IQGAP1: variants seen among roughly 807,000 people sequenced by gnomAD.
The protein encoded by IQGAP1 is IQ motif containing GTPase activating protein 1, also known as ras GTPase-activating-like protein IQGAP1.
Under a neutral mutation model 215.6 loss-of-function variants are expected in IQGAP1, and 66 were observed. The observed-to-expected ratio is 0.31, with a 90% CI of 0.25 to 0.38. IQGAP1 has a LOEUF of 0.38. IQGAP1 is among the 10% of genes least tolerant of loss of function. The probability of loss-of-function intolerance (pLI) is 1.00; values close to 1 mark genes in which losing one functional copy is unlikely to be tolerated. For synonymous variants in IQGAP1, 772 were observed against 728.7 expected, an observed-to-expected ratio of 1.06 and a Z score of -0.96; for missense variants, 1,712 against 1,997.1, an observed-to-expected ratio of 0.86 and a Z score of 2.72.
At chr15:90,415,946 G>A (rs1016773413) in intron 2 of IQGAP1, among the ~76,000 whole-genome samples, 8 of 150,142 alleles carry the variant, frequency 5.3e-5, no homozygotes, top group East Asian at 2.0e-4. Context: ...GTGACTTACC[G>A]TTCCCTGAAT....
At chr15:90,433,521 C>A (rs1057273309) in intron 4 of IQGAP1, among the ~76,000 whole-genome samples, 198 bp from the exon 5 acceptor site, 2 of 152,180 alleles carry the variant, frequency 1.3e-5, no homozygotes, top group African/African-American at 4.8e-5. Flanking sequence ...TATTATAGCA[C>A]TTTATTCCTT....
chr15:90,489,899 T>C (rs1966179711), intron 33 of IQGAP1, among the ~76,000 whole-genome samples: 1 of 152,116 alleles, frequency 6.6e-6, no homozygotes, highest in Non-Finnish European at 1.5e-5. Flanking sequence ...ATGAGTCGAG[T>C]CTTTTCATCC....
chr15:90,445,327 A>G (rs1192553090), intron 9 of IQGAP1, among the ~76,000 whole-genome samples: 2 of 151,934 alleles, frequency 1.3e-5, no homozygotes. Context: ...TATTATCGCT[A>G]TGTCATGTAA....
chr15:90,466,180 C>A (rs1160438223), intron 16 of IQGAP1, 89 bp downstream of exon 16: 4 of 1,573,208 alleles, frequency 2.5e-6, no homozygotes, highest in Non-Finnish European at 3.5e-6. Flanking sequence ...TATGGGGGAA[C>A]AATTTGCCAG....
intron 5 of IQGAP1, among the ~76,000 whole-genome samples, chr15:90,436,548 T>C (rs190814209): frequency 5.3e-5 from 8 of 152,342 alleles, no homozygotes; most frequent in Admixed American, 1.3e-4. Context: ...AGAATCCAGA[T>C]AGATTAACAT....
intron 2 of IQGAP1, among the ~76,000 whole-genome samples, chr15:90,394,596 C>A (rs1567111584): frequency 6.6e-6 from 1 of 152,094 alleles, no homozygotes; most frequent in Non-Finnish European, 1.5e-5. Context: ...CTTGTGTGTT[C>A]CGAGGGCCCC....
chr15:90,492,909 G>T lies in IQGAP1; in HGVS notation c.4628+198G>T, dbSNP rs906264477. On this transcript the variant is annotated intron_variant, in intron 35 of 37. Coordinates refer to ENST00000268182, the MANE Select transcript of IQGAP1 (RefSeq NM_003870.4). ...TGTATGATGTGAATAGTGGGTGGGGGATTTCATGGATGCTTATCGCTAAGT... is the reference window on the plus strand; with the variant it reads ...TGTATGATGTGAATAGTGGGTGGGGTATTTCATGGATGCTTATCGCTAAGT... 3.3e-5 allele frequency among the ~76,000 whole-genome samples: 5 copies of T among 152,220 alleles called. 1 individual carries two copies. The highest frequency in any genetic ancestry group is 1.3e-4 in the Admixed American group (2 of 15,282).
At chr15:90,491,839 A>G (rs191907539) in intron 34 of IQGAP1, among the ~76,000 whole-genome samples, 28 of 152,352 alleles carry the variant, frequency 1.8e-4, no homozygotes, top group Admixed American at 1.4e-3. Flanking sequence ...ACTGTGAAAT[A>G]TAAATTCACA....
chr15:90,401,790 C>T (rs1453787056), intron 2 of IQGAP1, among the ~76,000 whole-genome samples: 3 of 152,180 alleles, frequency 2.0e-5, no homozygotes, highest in Admixed American at 6.5e-5. Context: ...CCATGTTAGT[C>T]TGCTGCTGCT....
chr15:90,431,595 C>A (rs1255669757), intron 4 of IQGAP1, among the ~76,000 whole-genome samples: 5 of 152,032 alleles, frequency 3.3e-5, no homozygotes, highest in Non-Finnish European at 7.4e-5. Flanking sequence ...GTATATTGTC[C>A]TGGACTACAA....
chr15:90,464,116 C>T (rs911907528), intron 15 of IQGAP1, among the ~76,000 whole-genome samples: 6 of 152,174 alleles, frequency 3.9e-5, no homozygotes, highest in Non-Finnish European at 8.8e-5. Flanking sequence ...ATATTCACAT[C>T]GAGCAATCTA....
chr15:90,429,996 G>T (rs1965280237), intron 4 of IQGAP1: 1 of 179,318 alleles, frequency 5.6e-6, no homozygotes, highest in African/African-American at 2.3e-5. Context: ...CAAATCAGTG[G>T]TTTTTATTTA....
chr15:90,393,484 T>C (rs1330238915), intron 2 of IQGAP1: 2 of 152,070 alleles, frequency 1.3e-5, no homozygotes, highest in African/African-American at 4.8e-5. Flanking sequence ...TTTTGATCCA[T>C]AGTTTGTTGA....
intron 15 of IQGAP1, among the ~76,000 whole-genome samples, chr15:90,463,422 A>T (rs1965788972): frequency 1.3e-5 from 2 of 152,180 alleles, no homozygotes; most frequent in Non-Finnish European, 2.9e-5. Flanking sequence ...TTTTTATGAT[A>T]CGAGGATTTT....
intron 2 of IQGAP1, among the ~76,000 whole-genome samples, chr15:90,410,833 TAAAGTA>T (rs1029038981): frequency 1.1e-4 from 13 of 113,998 alleles, no homozygotes; most frequent in African/African-American, 5.2e-4. Context: ...CCCTAGAACT[TAAAGTA>T]TAATAAAAAA....
chr15:90,482,352 TC>T (rs1412479417), intron 28 of IQGAP1, 71 bp downstream of exon 28: 1 of 1,428,376 alleles, frequency 7.0e-7, no homozygotes, highest in African/African-American at 1.4e-5. Flanking sequence ...TGACCATAGA[TC>T]ATTACTAACT....
chr15:90,402,492 G>A (rs1964817222), intron 2 of IQGAP1, among the ~76,000 whole-genome samples: 1 of 152,210 alleles, frequency 6.6e-6, no homozygotes, highest in Non-Finnish European at 1.5e-5. Flanking sequence ...ATATTGGAGA[G>A]GCAGCTGCCA....
In IQGAP1 at chr15:90,497,263, A is replaced by G; in HGVS notation, c.4783A>G (p.Thr1595Ala). Residue 1595 changes from threonine to alanine, a missense_variant, in exon 37 of 38, where the codon ACA becomes GCA. Thr to Ala is a moderately conservative substitution (Grantham distance 58, BLOSUM62 0). This residue lies in a region of IQGAP1 where 691 missense variants were observed against 923.0 expected (regional missense o/e 0.75). Coordinates refer to ENST00000268182, the MANE Select transcript of IQGAP1 (RefSeq NM_003870.4). Reference protein sequence around the residue: ...FKNVIFEISPTEEVGDFEVKA... With the variant: ...FKNVIFEISPAEEVGDFEVKA... ...AAATGTTATATTTGAAATCAGTCCA[A>G]CAGAAGAAGTTGGAGACTTCGAAGT... The G allele has an allele frequency of 6.2e-7, 1 of 1,606,146 alleles. No individual in the cohort carries two copies. The highest frequency in any genetic ancestry group is 1.1e-5 in the South Asian group (1 of 90,820).
At chr15:90,470,782 A>G (rs537835133) in intron 18 of IQGAP1, among the ~76,000 whole-genome samples, 60 of 152,284 alleles carry the variant, frequency 3.9e-4, no homozygotes, top group Non-Finnish European at 6.8e-4. Context: ...GCCAAATTCA[A>G]TTCTGAGCAC....
Sources: allele counts gnomAD v4.1 joint callset (sites outside exome capture counted in the v4.1 genomes callset), GRCh38; gene constraint gnomAD v4.1.1; regional missense constraint gnomAD v4.1.1; transcripts MANE v1.5; gene names NCBI Gene and HGNC (gene_info 2026-07-23, HGNC 2026-07-21).